Variants in POM121 observed in about 807,000 individuals in gnomAD.
POM121 encodes POM121 transmembrane nucleoporin.
POM121 carries 32 observed loss-of-function variants against 81.3 expected under a neutral mutation model. The observed-to-expected ratio is 0.39, with a 90% confidence interval of 0.30 to 0.53. POM121 has a LOEUF of 0.53. Ranked by LOEUF, POM121 falls within the 20% of genes least tolerant of loss-of-function variation. The probability of loss-of-function intolerance (pLI) is 0.66; values close to 1 mark genes in which losing one functional copy is unlikely to be tolerated. For synonymous variants in POM121, 514 were observed against 694.2 expected, an observed-to-expected ratio of 0.74 and a Z score of 4.08; for missense variants, 1,138 against 1,614.6, an observed-to-expected ratio of 0.70 and a Z score of 5.06.
downstream of POM121, chr7:72,949,323 G>A (rs547486631): frequency 1.2e-6 from 1 of 813,164 alleles, no homozygotes. Flanking sequence ...CCGAGCCACT[G>A]CAGGAAGGAT....
chr7:72,903,755 AG>A (rs1792947044), intron 3 of POM121, among the ~76,000 whole-genome samples: 1 of 152,246 alleles, frequency 6.6e-6, no homozygotes, highest in African/African-American at 2.4e-5. Context: ...GCAGTCCTTC[AG>A]GGCTTAGCCA....
upstream of POM121, among the ~76,000 whole-genome samples, chr7:72,922,798 TCA>T (rs1794939462): frequency 1.3e-5 from 2 of 152,202 alleles, no homozygotes; most frequent in African/African-American, 4.8e-5. Flanking sequence ...CCCCGAGGGC[TCA>T]GGCTATGGAC....
At position 72,925,607 on chromosome 7, in the gene POM121, T is replaced by A. The variant is rs1554497109; in HGVS notation, c.486T>A (p.Pro162=). Residue 162 remains proline (P), a synonymous_variant, in exon 1 of 13, where the codon CCT becomes CCA. Coordinates refer to ENST00000434423, the MANE Select transcript of POM121 (RefSeq NM_001387691.1). The part of the protein sequence containing the change: ...APEGQDLRDR[P]GRRPPARPAP... The stretch of plus-strand genomic sequence containing the variant: ...AGGGCCAGGACCTGCGGGATAGGCC[T>A]GGCCGCCGCCCACCTGCCCGCCCGG... 1.4e-6 allele frequency: 2 copies of A among 1,411,330 alleles called. No homozygotes were observed. The highest frequency in any genetic ancestry group is 1.8e-6 in the Non-Finnish European group (2 of 1,086,924). 87.4% of individuals were successfully genotyped at this position (1,411,330 alleles called of 1,614,324 possible). A position where few individuals can be genotyped will look rare whatever the true frequency, so the allele number is the denominator to read the frequency against.
At chr7:72,936,984 T>G (rs1371772977) in intron 5 of POM121, among the ~76,000 whole-genome samples, 2 of 151,254 alleles carry the variant, frequency 1.3e-5, no homozygotes, top group Non-Finnish European at 3.0e-5. Flanking sequence ...TGGCTAGGTG[T>G]GGTGGCTCAC....
chr7:72,894,576 TAAA>T (rs782336455), intron 3 of POM121, among the ~76,000 whole-genome samples: 1 of 78,278 alleles, frequency 1.3e-5, no homozygotes, highest in Non-Finnish European at 2.5e-5. Context: ...GAAACTTCAT[TAAA>T]AAAAAAAAAA....
At chr7:72,899,630 G>C (rs1197510854) in intron 3 of POM121, among the ~76,000 whole-genome samples, 1 of 148,270 alleles carries the variant, frequency 6.7e-6, no homozygotes, top group Non-Finnish European at 1.5e-5. Context: ...CCAGGCTGGA[G>C]TGCAGTGGCG....
intron 4 of POM121, among the ~76,000 whole-genome samples, chr7:72,919,687 G>T (rs183283994): frequency 6.6e-6 from 1 of 151,964 alleles, no homozygotes; most frequent in African/African-American, 2.4e-5. Flanking sequence ...TTACTATGTT[G>T]CCCGGGCTGG....
chr7:72,934,902 A>G, intron 5 of POM121, among the ~76,000 whole-genome samples: 1 of 152,072 alleles, frequency 6.6e-6, no homozygotes, highest in East Asian at 1.9e-4. Flanking sequence ...CCCTTGTGCC[A>G]GTCTTTGTTT....
At chr7:72,909,107 G>A (rs1236162460) in intron 3 of POM121, among the ~76,000 whole-genome samples, 2 of 152,156 alleles carry the variant, frequency 1.3e-5, no homozygotes, top group African/African-American at 4.8e-5. Flanking sequence ...TATTAATTTA[G>A]GGAACTAATA....
chr7:72,881,093 CAG>C (rs1790110928), intron 1 of POM121, among the ~76,000 whole-genome samples: 1 of 116,876 alleles, frequency 8.6e-6, no homozygotes, highest in Non-Finnish European at 1.8e-5. Flanking sequence ...TTTTTTGAGA[CAG>C]TGTCTCTCAC....
chr7:72,932,099 T>A (rs533865518), intron 5 of POM121, among the ~76,000 whole-genome samples: 29 of 149,482 alleles, frequency 1.9e-4, no homozygotes, highest in African/African-American at 7.2e-4. Flanking sequence ...GTTACAGGGA[T>A]TTCTGTGTTT....
Position 72,914,602 on chromosome 7 carries a change from G to A in POM121, c.-152+774G>A, listed in dbSNP as rs138707696. 6.8e-3 allele frequency among the ~76,000 whole-genome samples: 1,034 copies of A among 151,716 alleles called. 14 individuals carry two copies. The highest frequency in any genetic ancestry group is 0.024 in the African/African-American group (1,008 of 41,314). ...TTGCTGAGGATGGTCTTGAACTTCT[G>A]GCCTCAAGCGATCCTCCTACCTCAG... On this transcript the variant is annotated intron_variant, in intron 4 of 15. Coordinates refer to the POM121 transcript ENST00000395270.
In POM121 at chr7:72,893,876, G is replaced by T. The variant is rs150383903; in HGVS notation, c.-216+2766G>T. ...TCTTCCATCTCTGCCTGGTGCTTCT[G>T]CCCTGGTTTCTGCTCAACTCGGCGC... is the stretch of plus-strand genomic sequence containing the variant. On this transcript the variant is annotated intron_variant, in intron 3 of 15. Coordinates refer to the POM121 transcript ENST00000395270. Among the ~76,000 whole-genome samples the T allele has an allele frequency of 6.8e-3, 1,029 of 152,210 alleles. 6 individuals carry two copies. Among genetic ancestry groups the T allele is most frequent in the Non-Finnish European group, 0.011 (764 of 68,004 alleles).
At chr7:72,930,174 G>T in intron 5 of POM121, 63 bp downstream of exon 5, 1 of 1,529,400 alleles carries the variant, frequency 6.5e-7, no homozygotes, top group Non-Finnish European at 8.9e-7. Context: ...ATTGACTAGG[G>T]CCAGACATGG....
Position 72,939,352 on chromosome 7 carries a change from C to G in POM121, c.1384C>G (p.His462Asp). The stretch of plus-strand genomic sequence containing the variant: ...TCCTGACAGAGAAGAGGAGCTGTGT[C>G]ATCATTCCAGTTCTTCAACTCCATT... Reference protein sequence around the residue: ...AKKIREEELCHHSSSSTPLAA... With the variant: ...AKKIREEELCDHSSSSTPLAA... The change falls in exon 7 of 13, where the codon CAT becomes GAT. Residue 462 changes from histidine (H) to aspartate (D), a missense_variant. Coordinates refer to ENST00000434423, the MANE Select transcript of POM121 (RefSeq NM_001387691.1). The G allele has an allele frequency of 1.2e-6, 2 of 1,613,902 alleles. No individual in the cohort carries two copies. Among genetic ancestry groups the G allele is most frequent in the Non-Finnish European group, 1.7e-6 (2 of 1,179,836 alleles).
chr7:72,882,607 G>A (rs571777053), intron 1 of POM121, among the ~76,000 whole-genome samples: 109 of 152,190 alleles, frequency 7.2e-4, no homozygotes, highest in Non-Finnish European at 1.1e-3. Context: ...ATTTTTCCAG[G>A]GACGGAAATA....
chr7:72,893,145 A>T (rs1369804719), intron 3 of POM121, among the ~76,000 whole-genome samples: 1 of 151,598 alleles, frequency 6.6e-6, no homozygotes, highest in East Asian at 2.0e-4. Flanking sequence ...TTTAGTAGAG[A>T]CGGGGTTTCA....
intron 3 of POM121, among the ~76,000 whole-genome samples, chr7:72,898,779 C>G (rs1351587513): frequency 1.7e-5 from 2 of 119,654 alleles, no homozygotes; most frequent in African/African-American, 3.3e-5. Flanking sequence ...GCCTGGGTGA[C>G]AGAGTGAGAC....
intron 3 of POM121, among the ~76,000 whole-genome samples, chr7:72,895,967 A>C (rs1438515032): frequency 6.6e-6 from 1 of 151,512 alleles, no homozygotes; most frequent in Non-Finnish European, 1.5e-5. Flanking sequence ...GTGGCTCCCA[A>C]CTGTGGTCGG....
Sources: allele counts gnomAD v4.1 joint callset (sites outside exome capture counted in the v4.1 genomes callset), GRCh38; gene constraint gnomAD v4.1.1; transcripts MANE v1.5; gene names NCBI Gene and HGNC (gene_info 2026-07-23, HGNC 2026-07-21).